CLYBL: variants seen among roughly 807,000 people sequenced by gnomAD.
The protein encoded by CLYBL is citramalyl-CoA lyase, also known as citramalyl-CoA lyase, mitochondrial.
A neutral mutation model predicts 38.9 loss-of-function variants in CLYBL; 31 were observed. The observed-to-expected ratio is 0.80, with a 90% CI of 0.60 to 1.08. The LOEUF (loss-of-function observed/expected upper bound fraction) is 1.08, where lower values mean the gene tolerates loss of function less well. Ranked by LOEUF, CLYBL falls within the 50% of genes least tolerant of loss-of-function variation. CLYBL has a pLI of 0.00. For synonymous variants in CLYBL, 171 were observed against 158.6 expected (o/e 1.08, Z -0.59); for missense variants, 434 against 411.6 (o/e 1.05, Z -0.47).
chr13:99,876,970 G>A (rs1016745128), intron 7 of CLYBL, among the ~76,000 whole-genome samples: 5 of 152,072 alleles, frequency 3.3e-5, no homozygotes, highest in Non-Finnish European at 5.9e-5. Flanking sequence ...TTCCCCACAC[G>A]CCTCCCTGCT....
chr13:99,855,020 T>C (rs1250892097), intron 2 of CLYBL, among the ~76,000 whole-genome samples: 1 of 152,196 alleles, frequency 6.6e-6, no homozygotes. Context: ...CTGTGCCAAC[T>C]TCCTCTATGA....
intron 2 of CLYBL, among the ~76,000 whole-genome samples, chr13:99,843,274 A>G (rs2051126787): frequency 6.6e-6 from 1 of 152,202 alleles, no homozygotes; most frequent in Non-Finnish European, 1.5e-5. Flanking sequence ...GTTCTGGGAT[A>G]TTTGTTGCAG....
At chr13:99,871,158 C>T (rs371151363) in intron 7 of CLYBL, 96 bp downstream of exon 7, 3 of 1,388,444 alleles carry the variant, frequency 2.2e-6, no homozygotes, top group Non-Finnish European at 2.0e-6. Context: ...TAAGAAAACT[C>T]ATCGTATCTG....
chr13:99,767,473 T>C (rs1284588142), intron 1 of CLYBL, among the ~76,000 whole-genome samples: 1 of 152,242 alleles, frequency 6.6e-6, no homozygotes, highest in Non-Finnish European at 1.5e-5. Context: ...ACTTCTTGGA[T>C]GTTTGTATTC....
chr13:99,669,747 A>G (rs776034882), intron 1 of CLYBL, among the ~76,000 whole-genome samples: 8 of 152,228 alleles, frequency 5.3e-5, no homozygotes, highest in Non-Finnish European at 1.0e-4. Context: ...CACACAGCAT[A>G]TATCTCATGA....
intron 2 of CLYBL, among the ~76,000 whole-genome samples, chr13:99,793,033 AAC>A (rs10631674): frequency 0.052 from 7,617 of 145,752 alleles, 267 homozygotes; most frequent in South Asian, 0.11. Context: ...GTGCATACAT[AAC>A]ACACACACAC....
intron 1 of CLYBL, among the ~76,000 whole-genome samples, chr13:99,658,830 CT>C (rs569869000): frequency 6.6e-6 from 1 of 152,160 alleles, no homozygotes; most frequent in Admixed American, 6.5e-5. Context: ...ACCAGAGCCT[CT>C]TTTTTTATGC....
At chr13:99,836,540 A>G (rs2050938841) in intron 2 of CLYBL, among the ~76,000 whole-genome samples, 1 of 152,210 alleles carries the variant, frequency 6.6e-6, no homozygotes, top group Non-Finnish European at 1.5e-5. Flanking sequence ...TCTAGTAACT[A>G]CCGATTCAGA....
intron 2 of CLYBL, among the ~76,000 whole-genome samples, chr13:99,839,584 CGTGTGT>C (rs147901850): frequency 6.6e-6 from 1 of 151,796 alleles, no homozygotes; most frequent in Admixed American, 6.6e-5. Context: ...AATAATGCTT[CGTGTGT>C]GTGTGTGACA....
At chr13:99,867,652 C>T (rs1401008280) in intron 6 of CLYBL, among the ~76,000 whole-genome samples, 1 of 152,136 alleles carries the variant, frequency 6.6e-6, no homozygotes, top group East Asian at 1.9e-4. Context: ...TTGTTCCTGC[C>T]TCTTTCCAAC....
At position 99,867,001 on chromosome 13, in the gene CLYBL, C is replaced by T. The variant is rs887049654; in HGVS notation, c.802+594C>T. On this transcript the variant is annotated intron_variant, in intron 6 of 8. Transcript: ENST00000339105. ...CTTGCAGTCCGGTCTGGGGCACAGG[C>T]GGGTATCTGTTGATTGGTGTGCCTG... Among the ~76,000 whole-genome samples the T allele has an allele frequency of 3.9e-5, 6 of 152,178 alleles. No homozygotes were observed. The East Asian group carries it at 1.2e-3, about 29-fold the overall frequency.
chr13:99,709,656 C>T (rs934258897), intron 1 of CLYBL, among the ~76,000 whole-genome samples: 2 of 152,164 alleles, frequency 1.3e-5, no homozygotes, highest in African/African-American at 4.8e-5. Context: ...GCACATTCTT[C>T]TCACTTTCTA....
intron 2 of CLYBL, among the ~76,000 whole-genome samples, chr13:99,820,057 C>A (rs1401465527): frequency 1.3e-5 from 2 of 152,196 alleles, no homozygotes; most frequent in Non-Finnish European, 2.9e-5. Flanking sequence ...GCAGACCTCA[C>A]CCAGGTGATT....
intron 1 of CLYBL, among the ~76,000 whole-genome samples, chr13:99,735,220 G>T (rs2048648586): frequency 6.6e-6 from 1 of 152,196 alleles, no homozygotes. Flanking sequence ...TAGAGGCAGA[G>T]TCTCGCTGTG....
chr13:99,767,119 A>G (rs934196831), intron 1 of CLYBL, among the ~76,000 whole-genome samples: 3 of 152,240 alleles, frequency 2.0e-5, no homozygotes, highest in East Asian at 1.9e-4. Flanking sequence ...TTTCCAGTGT[A>G]GAAACCTTGA....
intron 1 of CLYBL, among the ~76,000 whole-genome samples, chr13:99,616,942 C>T (rs191203574): frequency 2.0e-5 from 3 of 151,716 alleles, no homozygotes; most frequent in Admixed American, 6.6e-5. Flanking sequence ...GGTGACAGAG[C>T]GCGACTCCGT....
At chr13:99,676,168 C>G (rs2047641480) in intron 1 of CLYBL, among the ~76,000 whole-genome samples, 1 of 148,118 alleles carries the variant, frequency 6.8e-6, no homozygotes, top group Non-Finnish European at 1.5e-5. Flanking sequence ...AGACTGGCTT[C>G]CTTCCTTCCC....
intron 1 of CLYBL, chr13:99,726,180 G>A (rs2048469443): frequency 1.3e-5 from 2 of 152,136 alleles, no homozygotes; most frequent in South Asian, 4.1e-4. Context: ...TTAATAAGGT[G>A]TTAGACTTCT....
chr13:99,703,748 A>G (rs924807468), intron 1 of CLYBL, among the ~76,000 whole-genome samples: 1 of 152,142 alleles, frequency 6.6e-6, no homozygotes, highest in African/African-American at 2.4e-5. Flanking sequence ...CCTTTAAACA[A>G]TGCATTTGTT....
Sources: gnomAD v4.1 joint callset for allele counts (sites outside exome capture counted in the v4.1 genomes callset) on GRCh38, gnomAD v4.1.1 for gene constraint, MANE v1.5 for transcripts, NCBI Gene and HGNC (gene_info 2026-07-23, HGNC 2026-07-21) for gene names.